The following SORCS3 variants were observed in gnomAD, a reference collection of about 807,000 sequenced individuals.
SORCS3 encodes the protein sortilin related VPS10 domain containing receptor 3.
SORCS3 carries 57 observed loss-of-function variants against 146.3 expected under a neutral mutation model. The observed-to-expected ratio is 0.39, with a 90% CI of 0.31 to 0.49. SORCS3 has a LOEUF of 0.49. Among genes scored for constraint, SORCS3 ranks in the 20% least tolerant of loss-of-function variants. SORCS3 has a pLI of 0.92. For synonymous variants in SORCS3, 653 were observed against 618.5 expected, an observed-to-expected ratio of 1.06 and a Z score of -0.83; for missense variants, 1,341 against 1,575.5, an observed-to-expected ratio of 0.85 and a Z score of 2.52.
At chr10:104,977,924 G>T (rs890536605) in intron 4 of SORCS3, among the ~76,000 whole-genome samples, 3 of 151,644 alleles carry the variant, frequency 2.0e-5, no homozygotes, top group Non-Finnish European at 4.4e-5. Context: ...TAGAGACGGG[G>T]TTTCACCAAG....
At chr10:105,063,968 T>C (rs1335813037) in intron 5 of SORCS3, among the ~76,000 whole-genome samples, 3 of 152,212 alleles carry the variant, frequency 2.0e-5, no homozygotes, top group Non-Finnish European at 4.4e-5. Flanking sequence ...GCTCTGAGCA[T>C]GCTGCTAGTT....
At chr10:104,686,232 C>T (rs909572976) in intron 1 of SORCS3, among the ~76,000 whole-genome samples, 4 of 152,092 alleles carry the variant, frequency 2.6e-5, no homozygotes, top group African/African-American at 9.7e-5. Flanking sequence ...CCTGGCTTTC[C>T]TTGAGGCAAC....
In SORCS3 at chr10:104,840,562, C is replaced by T. The variant is rs894079583; in HGVS notation, c.628-2230C>T. On this transcript the variant is annotated intron_variant, in intron 1 of 26. Transcript: ENST00000369701. ...CTGGATCTTTTATTTCTGTATCCCCCATGTATAGCCCAGTGGCCAGAATAT... is the reference window on the plus strand; with the variant it reads ...CTGGATCTTTTATTTCTGTATCCCCTATGTATAGCCCAGTGGCCAGAATAT... Among the ~76,000 whole-genome samples the T allele has an allele frequency of 2.0e-5, 3 of 152,142 alleles. No homozygotes were observed. The East Asian group carries it at 5.8e-4, about 29-fold the overall frequency.
intron 5 of SORCS3, among the ~76,000 whole-genome samples, chr10:105,062,579 A>C (rs573114649): frequency 6.6e-6 from 1 of 152,242 alleles, no homozygotes; most frequent in South Asian, 2.1e-4. Flanking sequence ...TGAGTATTTC[A>C]GCGGTTGGAG....
intron 5 of SORCS3, among the ~76,000 whole-genome samples, chr10:105,059,817 C>A (rs1030315838): frequency 1.3e-5 from 2 of 152,208 alleles, no homozygotes; most frequent in African/African-American, 4.8e-5. Context: ...CACAGAGCAA[C>A]CTGAGCCTTC....
chr10:104,831,940 G>A (rs1037774742), intron 1 of SORCS3, among the ~76,000 whole-genome samples: 7 of 152,174 alleles, frequency 4.6e-5, no homozygotes, highest in Admixed American at 4.6e-4. Context: ...CTGTGTATGT[G>A]CACATAAAGC....
chr10:104,903,906 G>T (rs1410109392), intron 2 of SORCS3, among the ~76,000 whole-genome samples: 2 of 151,990 alleles, frequency 1.3e-5, no homozygotes, highest in African/African-American at 4.8e-5. Flanking sequence ...GTAAAAGAAT[G>T]CTAATTTTGT....
At chr10:104,756,121 G>C (rs2017047320) in intron 1 of SORCS3, among the ~76,000 whole-genome samples, 1 of 152,186 alleles carries the variant, frequency 6.6e-6, no homozygotes, top group Non-Finnish European at 1.5e-5. Context: ...GTTAGAGGAA[G>C]TCGAGGTCAC....
At chr10:104,745,155 G>A (rs993533785) in intron 1 of SORCS3, among the ~76,000 whole-genome samples, 2 of 152,140 alleles carry the variant, frequency 1.3e-5, no homozygotes, top group East Asian at 1.9e-4. Context: ...GAGTTTGAAG[G>A]TTTGAAGGGG....
At chr10:104,808,455 A>C (rs192782484) in intron 1 of SORCS3, among the ~76,000 whole-genome samples, 2 of 152,334 alleles carry the variant, frequency 1.3e-5, no homozygotes, top group Admixed American at 1.3e-4. Context: ...AATGGGGGCA[A>C]CAGGGAACAA....
intron 2 of SORCS3, among the ~76,000 whole-genome samples, chr10:104,843,627 T>C (rs897444629): frequency 1.2e-4 from 18 of 152,074 alleles, no homozygotes; most frequent in African/African-American, 3.6e-4. Flanking sequence ...TGTGGGTGAG[T>C]GAAGTTAGAG....
chr10:104,862,347 A>G (rs2018413265), intron 2 of SORCS3, among the ~76,000 whole-genome samples: 1 of 152,168 alleles, frequency 6.6e-6, no homozygotes, highest in African/African-American at 2.4e-5. Context: ...AGTGGCCCAG[A>G]GTGTGGGAGG....
At chr10:104,976,117 A>G (rs1347436164) in intron 3 of SORCS3, among the ~76,000 whole-genome samples, 1 of 152,224 alleles carries the variant, frequency 6.6e-6, no homozygotes, top group African/African-American at 2.4e-5. Context: ...ATCAGAGTGA[A>G]CAGGCAACCC....
rs995949069 is a variant in SORCS3 at position 104,834,853 on chromosome 10, T to A, written c.628-7939T>A. ...AAAAATTATAAGGACCTGAAATTGG[T>A]CAATGTAGTACACCCCAACACATTT... On this transcript the variant is annotated intron_variant, in intron 1 of 26. Coordinates refer to ENST00000369701, the MANE Select transcript of SORCS3 (RefSeq NM_014978.3). Among the ~76,000 whole-genome samples the A allele has an allele frequency of 1.2e-3, 177 of 152,036 alleles. 2 individuals carry two copies. Among genetic ancestry groups the A allele is most frequent in the Non-Finnish European group, 2.1e-4 (14 of 68,002 alleles).
At chr10:104,678,895 A>G (rs1357916484) in intron 1 of SORCS3, among the ~76,000 whole-genome samples, 1 of 152,208 alleles carries the variant, frequency 6.6e-6, no homozygotes, top group Non-Finnish European at 1.5e-5. Flanking sequence ...ACTGAGGGAA[A>G]GCAGGACAGG....
intron 1 of SORCS3, among the ~76,000 whole-genome samples, chr10:104,652,688 C>T (rs1057247296): frequency 6.6e-6 from 1 of 152,054 alleles, no homozygotes; most frequent in African/African-American, 2.4e-5. Context: ...TTTCAAGTCA[C>T]GTCTGATAAT....
At chr10:105,023,541 GT>G (rs1351074059) in intron 4 of SORCS3, among the ~76,000 whole-genome samples, 2 of 151,910 alleles carry the variant, frequency 1.3e-5, no homozygotes, top group Non-Finnish European at 2.9e-5. Flanking sequence ...CAGAGCAGTG[GT>G]TTTTTTTGTT....
chr10:105,184,137 T>C (rs1018703), intron 14 of SORCS3, among the ~76,000 whole-genome samples: 51,280 of 152,132 alleles, frequency 0.34, 8,720 homozygotes, highest in South Asian at 0.41. Flanking sequence ...GAGCAGGGGT[T>C]GGCAGACTCC....
intron 4 of SORCS3, among the ~76,000 whole-genome samples, chr10:105,031,634 G>A (rs959407811): frequency 1.3e-5 from 2 of 152,088 alleles, no homozygotes; most frequent in African/African-American, 4.8e-5. Context: ...TCCAGCCTCA[G>A]GAAATTCTTA....
Sources: allele counts gnomAD v4.1 joint callset (sites outside exome capture counted in the v4.1 genomes callset), GRCh38; gene constraint gnomAD v4.1.1; transcripts MANE v1.5; gene names NCBI Gene and HGNC (gene_info 2026-07-23, HGNC 2026-07-21).